The following SAMD12 variants were observed in gnomAD, a reference collection of about 807,000 sequenced individuals.
The protein encoded by SAMD12 is sterile alpha motif domain containing 12, also known as sterile alpha motif domain-containing protein 12.
Under a neutral mutation model 15.0 loss-of-function variants are expected in SAMD12, and 9 were observed. The ratio of observed to expected loss-of-function variants is 0.60; its 90% CI spans 0.36 to 1.05. The LOEUF is 1.05. SAMD12 is among the 50% of genes least tolerant of loss of function. The pLI, the probability that SAMD12 is intolerant of heterozygous loss-of-function variation, is 0.01. For synonymous variants in SAMD12, 86 were observed against 90.1 expected, an observed-to-expected ratio of 0.96 and a Z score of 0.25; for missense variants, 230 against 234.2, an observed-to-expected ratio of 0.98 and a Z score of 0.12.
At chr8:118,548,648 C>A (rs989845342) in intron 2 of SAMD12, among the ~76,000 whole-genome samples, 1 of 152,250 alleles carries the variant, frequency 6.6e-6, no homozygotes, top group African/African-American at 2.4e-5. Context: ...CCGGGTTCAT[C>A]TCACTAGGGA....
chr8:118,165,046 T>C, the SAMD12 span, among the ~76,000 whole-genome samples: 1 of 151,552 alleles, frequency 6.6e-6, no homozygotes, highest in Admixed American at 6.6e-5. Flanking sequence ...GCAAGGGGTA[T>C]CCTACAGTTT....
At chr8:118,365,794 T>G (rs1019817888) in intron 4 of SAMD12, among the ~76,000 whole-genome samples, 2 of 152,110 alleles carry the variant, frequency 1.3e-5, no homozygotes, top group African/African-American at 4.8e-5. Context: ...AACTGGGACA[T>G]TTTCTTTCTA....
intron 4 of SAMD12, among the ~76,000 whole-genome samples, chr8:118,239,099 C>T (rs953267855): frequency 2.0e-5 from 3 of 151,900 alleles, no homozygotes; most frequent in Admixed American, 6.6e-5. Flanking sequence ...ATTCTTATGC[C>T]ATGAGGATGG....
intron 4 of SAMD12, chr8:118,284,191 G>T: frequency 4.6e-6 from 2 of 436,392 alleles, no homozygotes; most frequent in African/African-American, 4.1e-5. Context: ...CCACCTTAAT[G>T]ATAAAATGAA....
chr8:118,329,866 TACTTG>T (rs1016013830), intron 4 of SAMD12, among the ~76,000 whole-genome samples: 2 of 152,162 alleles, frequency 1.3e-5, no homozygotes, highest in African/African-American at 4.8e-5. Context: ...TTTTGGCTAT[TACTTG>T]ACTTTTTTTG....
chr8:118,432,483 C>A (rs1174321311), intron 3 of SAMD12, among the ~76,000 whole-genome samples: 1 of 152,176 alleles, frequency 6.6e-6, no homozygotes, highest in Non-Finnish European at 1.5e-5. Flanking sequence ...CAAGAGCTTT[C>A]TTTGGCAAGA....
At chr8:118,269,222 G>C (rs1485896) in intron 4 of SAMD12, among the ~76,000 whole-genome samples, 6,027 of 46,190 alleles carry the variant, frequency 0.13, 186 homozygotes, top group African/African-American at 0.37. Context: ...CTCTCTCTCT[G>C]TGTGTGTGTG....
chr8:118,581,463 C>A (rs981125728), intron 1 of SAMD12, among the ~76,000 whole-genome samples: 1 of 152,034 alleles, frequency 6.6e-6, no homozygotes, highest in Non-Finnish European at 1.5e-5. Flanking sequence ...AGGAGGCAAA[C>A]AAAAGGACTG....
At chr8:118,316,844 G>A (rs1462821779) in intron 4 of SAMD12, among the ~76,000 whole-genome samples, 10 of 125,404 alleles carry the variant, frequency 8.0e-5, no homozygotes, top group Non-Finnish European at 9.8e-5. Context: ...TTGTAAAGAT[G>A]GAGTCTCACT....
intron 4 of SAMD12, among the ~76,000 whole-genome samples, chr8:118,272,471 A>G (rs1813385116): frequency 6.6e-6 from 1 of 152,126 alleles, no homozygotes; most frequent in Non-Finnish European, 1.5e-5. Flanking sequence ...CATATTACCC[A>G]TTGTCTGGGT....
Position 118,334,869 on chromosome 8 carries a change from G to A in SAMD12, c.433+44691C>T, listed in dbSNP as rs1028637542. On this transcript the variant is annotated intron_variant, in intron 4 of 4. Transcript: ENST00000409003. Reference sequence around the variant, plus strand: ...TCTGCATCTCAAAGTGCTGGATTACGGGCATGAGACACCATGCCCGGCTCT... The same window carrying A: ...TCTGCATCTCAAAGTGCTGGATTACAGGCATGAGACACCATGCCCGGCTCT... Among the ~76,000 whole-genome samples the A allele has an allele frequency of 4.6e-5, 7 of 152,146 alleles. No homozygotes were observed. In the East Asian group the frequency reaches 1.4e-3, roughly 29 times the overall value.
intron 2 of SAMD12, among the ~76,000 whole-genome samples, chr8:118,542,684 A>G (rs891548486): frequency 1.3e-5 from 2 of 152,256 alleles, no homozygotes; most frequent in Non-Finnish European, 2.9e-5. Flanking sequence ...GTGAAAGTTA[A>G]TTTCCAAACT....
downstream of SAMD12, among the ~76,000 whole-genome samples, chr8:118,373,085 T>C (rs1156834435): frequency 6.6e-6 from 1 of 152,168 alleles, no homozygotes; most frequent in Non-Finnish European, 1.5e-5. Context: ...GTGGTAGTTA[T>C]TCAACTGTGT....
chr8:118,524,014 C>T (rs957039793), intron 2 of SAMD12, among the ~76,000 whole-genome samples: 1 of 152,132 alleles, frequency 6.6e-6, no homozygotes, highest in Non-Finnish European at 1.5e-5. Context: ...ATCATTCCAT[C>T]AGCATATAAA....
intron 2 of SAMD12, among the ~76,000 whole-genome samples, chr8:118,529,113 C>T (rs1159554691): frequency 6.6e-6 from 1 of 152,166 alleles, no homozygotes; most frequent in African/African-American, 2.4e-5. Flanking sequence ...ACTAGGGCTG[C>T]CCATATGTCA....
intron 3 of SAMD12, among the ~76,000 whole-genome samples, chr8:118,401,585 T>G (rs1334199645): frequency 6.6e-6 from 1 of 150,400 alleles, no homozygotes; most frequent in Non-Finnish European, 1.5e-5. Context: ...TATGTTTCCC[T>G]GGCTGGTCTC....
At chr8:118,580,976 G>T in intron 1 of SAMD12, 83 bp from the exon 2 acceptor site, 2 of 1,118,096 alleles carry the variant, frequency 1.8e-6, no homozygotes, top group Non-Finnish European at 2.5e-6. Flanking sequence ...TCAAGCCTAA[G>T]TAGGAAAAAA....
chr8:118,495,487 A>C (rs1173727019), intron 2 of SAMD12, among the ~76,000 whole-genome samples: 3 of 152,188 alleles, frequency 2.0e-5, no homozygotes, highest in Non-Finnish European at 1.5e-5. Flanking sequence ...TGACTAGTTG[A>C]AAACTGGCTA....
At chr8:118,498,996 T>G (rs1162716455) in intron 2 of SAMD12, among the ~76,000 whole-genome samples, 2 of 152,182 alleles carry the variant, frequency 1.3e-5, no homozygotes, top group African/African-American at 4.8e-5. Context: ...AGATGGAAAT[T>G]TGATGGAGGC....
Sources: gnomAD v4.1 joint callset for allele counts (sites outside exome capture counted in the v4.1 genomes callset) on GRCh38, gnomAD v4.1.1 for gene constraint, MANE v1.5 for transcripts, NCBI Gene and HGNC (gene_info 2026-07-23, HGNC 2026-07-21) for gene names.